MKRN1: variants seen among roughly 807,000 people sequenced by gnomAD.
MKRN1 encodes the protein E3 ubiquitin-protein ligase makorin-1.
A neutral mutation model predicts 55.5 loss-of-function variants in MKRN1; 9 were observed. The observed-to-expected ratio is 0.16, with a 90% CI of 0.10 to 0.28. The LOEUF is 0.28. MKRN1 is among the 10% of genes least tolerant of loss of function. The probability of loss-of-function intolerance (pLI) is 1.00; values close to 1 mark genes in which losing one functional copy is unlikely to be tolerated. For missense variants in MKRN1, 488 were observed against 626.7 expected, an observed-to-expected ratio of 0.78 and a Z score of 2.36; for synonymous variants, 253 against 235.9, an observed-to-expected ratio of 1.07 and a Z score of -0.66.
At chr7:140,465,995 C>T (rs1050627351) in intron 2 of MKRN1, among the ~76,000 whole-genome samples, 2 of 152,022 alleles carry the variant, frequency 1.3e-5, no homozygotes, top group South Asian at 4.1e-4. Flanking sequence ...GCACCGGAAT[C>T]GCTTGAACCC....
In MKRN1 at chr7:140,454,666, T is replaced by G. The variant is rs1331163084; in HGVS notation, c.1300A>C (p.Asn434His). The change falls in exon 8 of 8, where the codon AAC becomes CAC. Residue 434 changes from asparagine (N) to histidine (H), a missense_variant. Physicochemically the swap from Asn to His is moderately conservative, Grantham distance 68 (BLOSUM62 1). Transcript: ENST00000255977. ...EERENSNPFD[N>H]DEEEVVTFEL... ...AAGGTGACAACCTCTTCTTCATCGT[T>G]GTCAAAGGGGTTGCTGTTCTCTCTT... 6.2e-7 allele frequency: 1 copy of G among 1,613,994 alleles called. No individual in the cohort carries two copies.
At chr7:140,477,696 G>A (rs951402797) in intron 1 of MKRN1, among the ~76,000 whole-genome samples, 3 of 152,062 alleles carry the variant, frequency 2.0e-5, no homozygotes, top group Non-Finnish European at 4.4e-5. Context: ...TACCTCAGGC[G>A]ATCCGCCCGC....
chr7:140,470,157 G>T (rs1321043342), intron 2 of MKRN1, among the ~76,000 whole-genome samples: 2 of 151,478 alleles, frequency 1.3e-5, no homozygotes, highest in Non-Finnish European at 2.9e-5. Context: ...GGAGGCAGAG[G>T]TTGCAGTGAG....
At chr7:140,474,845 A>G (rs1045882986) in intron 1 of MKRN1, among the ~76,000 whole-genome samples, 2 of 151,488 alleles carry the variant, frequency 1.3e-5, no homozygotes, top group Admixed American at 1.3e-4. Context: ...CAGCCTCCAG[A>G]GTGGCTGGGA....
At position 140,465,140 on chromosome 7, in the gene MKRN1, C is replaced by T. The variant is rs189363804; in HGVS notation, c.315-5204G>A. Among the ~76,000 whole-genome samples, 29 of 152,270 alleles carry T rather than the reference C, an allele frequency of 1.9e-4. No individual in the cohort carries two copies. In the East Asian group the frequency reaches 5.2e-3, roughly 27 times the overall value. On this transcript the variant is annotated intron_variant, in intron 2 of 7. Transcript: ENST00000255977. ...AACTCCCACCCCATTGCTTCTGTGG[C>T]CTTTAGTATTTTAAAGTATTGGATT...
chr7:140,474,499 AAAAT>A (rs759012247), intron 1 of MKRN1: 18 of 313,496 alleles, frequency 5.7e-5, no homozygotes, highest in South Asian at 2.4e-4. Flanking sequence ...TCTCAAAAAA[AAAAT>A]AAATAAATAA....
rs118101705 is a variant in MKRN1 at position 140,464,749 on chromosome 7, A to G, written c.315-4813T>C. ...AACAAAACTCCCTGGTTTAAAAGAT[A>G]ATTTCCAAAAAAAAAAAAATTAGTT... is the stretch of plus-strand genomic sequence containing the variant. On this transcript the variant is annotated intron_variant, in intron 2 of 7. Coordinates refer to ENST00000255977, the MANE Select transcript of MKRN1 (RefSeq NM_013446.4). Among the ~76,000 whole-genome samples the G allele has an allele frequency of 6.2e-3, 875 of 141,864 alleles. 40 individuals are homozygous for G. In the East Asian group the frequency reaches 0.11, roughly 18 times the overall value. 93.1% of individuals were successfully genotyped at this position (141,864 alleles called of 152,430 possible).
chr7:140,474,080 G>T (rs1795043378), intron 1 of MKRN1, among the ~76,000 whole-genome samples: 1 of 147,032 alleles, frequency 6.8e-6, no homozygotes. Context: ...AAAGACTGTA[G>T]GGTGGGCCCG....
chr7:140,455,624 T>A lies in MKRN1; in HGVS notation c.1097+166A>T, dbSNP rs142033240. On this transcript the variant is annotated intron_variant, in intron 6 of 7. Transcript: ENST00000255977. ...GGCATGGACCCCAAGGACTGTGTTA[T>A]AGCAAGATATATACTGGATGTTATC... The A allele has an allele frequency of 3.9e-4, 241 of 616,114 alleles. 1 individual carries two copies. In the East Asian group the frequency reaches 6.6e-3, roughly 17 times the overall value. The allele number at this position is 616,114 out of a possible 1,614,324, so 38.2% of individuals were successfully genotyped here.
intron 2 of MKRN1, among the ~76,000 whole-genome samples, chr7:140,466,780 C>T (rs562607067): frequency 0.012 from 1,701 of 141,242 alleles, 15 homozygotes; most frequent in Non-Finnish European, 0.014. Flanking sequence ...GTCCGCCGTC[C>T]GGCCTGGGCG....
intron 4 of MKRN1, among the ~76,000 whole-genome samples, chr7:140,457,169 C>T (rs963791398): frequency 3.3e-5 from 5 of 152,062 alleles, no homozygotes; most frequent in Non-Finnish European, 5.9e-5. Context: ...ACATTAAAGA[C>T]GGTTTTCCAT....
intron 2 of MKRN1, 156 bp from the exon 3 acceptor site, chr7:140,460,092 C>T (rs531140498): frequency 3.5e-5 from 23 of 666,570 alleles, no homozygotes; most frequent in Non-Finnish European, 5.5e-5. Flanking sequence ...CTACCAAAAA[C>T]GCAAAAATTA....
intron 2 of MKRN1, among the ~76,000 whole-genome samples, chr7:140,470,595 A>C (rs28784908): frequency 0.27 from 40,706 of 149,854 alleles, 9,302 homozygotes; most frequent in African/African-American, 0.63. Flanking sequence ...TAAACAAAAC[A>C]AACAAAAAAA....
At chr7:140,477,512 C>T (rs1795160636) in intron 1 of MKRN1, among the ~76,000 whole-genome samples, 1 of 152,086 alleles carries the variant, frequency 6.6e-6, no homozygotes, top group Non-Finnish European at 1.5e-5. Flanking sequence ...TCAGTAGAGA[C>T]GGGGTTTCAC....
At chr7:140,471,615 G>A (rs1362572423) in intron 2 of MKRN1, among the ~76,000 whole-genome samples, 5 of 151,918 alleles carry the variant, frequency 3.3e-5, no homozygotes, top group South Asian at 4.1e-4. Context: ...GATTACAGAC[G>A]CACACCACCA....
intron 3 of MKRN1, 78 bp downstream of exon 3, chr7:140,459,629 G>T (rs1229032527): frequency 1.5e-6 from 2 of 1,374,122 alleles, no homozygotes; most frequent in East Asian, 2.3e-5. Context: ...GCAGAAAGGG[G>T]AAAGTTGTCA....
chr7:140,475,236 G>GTGCCTGTAATCCCAGCTTCTCA, intron 1 of MKRN1: 1 of 439,586 alleles, frequency 2.3e-6, no homozygotes, highest in Non-Finnish European at 4.6e-6. Flanking sequence ...CCAGCTTCTC[G>GTGCCTGTAATCCCAGCTTCTCA]GAAGGCTGAG....
intron 6 of MKRN1, chr7:140,455,447 T>G: frequency 1.7e-6 from 1 of 603,318 alleles, no homozygotes; most frequent in Non-Finnish European, 2.9e-6. Context: ...TTAATAGCTC[T>G]AGTACAAGCA....
intron 1 of MKRN1, chr7:140,475,121 C>T (rs1795082344): frequency 9.5e-6 from 3 of 316,482 alleles, no homozygotes; most frequent in South Asian, 6.8e-5. Flanking sequence ...GTGGGTGGAT[C>T]ACCTGAGGTC....
Sources: allele counts gnomAD v4.1 joint callset (sites outside exome capture counted in the v4.1 genomes callset), GRCh38; gene constraint gnomAD v4.1.1; transcripts MANE v1.5; gene names NCBI Gene and HGNC (gene_info 2026-07-23, HGNC 2026-07-21).